Variants in ZNF423 observed in about 807,000 individuals in gnomAD.
The protein encoded by ZNF423 is zinc finger protein 423.
In ZNF423, 12 loss-of-function variants were observed where a neutral mutation model predicts 95.8. That is an observed-to-expected ratio of 0.13 (90% CI 0.08 to 0.20). The LOEUF (loss-of-function observed/expected upper bound fraction) is 0.20. Among genes scored for constraint, ZNF423 ranks in the 10% least tolerant of loss-of-function variants. The probability of loss-of-function intolerance (pLI) is 1.00; values close to 1 mark genes in which losing one functional copy is unlikely to be tolerated. For synonymous variants in ZNF423, 749 were observed against 711.9 expected (o/e 1.05, Z -0.83); for missense variants, 1,316 against 1,737.1 (o/e 0.76, Z 4.31).
intron 1 of ZNF423, among the ~76,000 whole-genome samples, chr16:49,851,571 C>T (rs991166017): frequency 3.3e-5 from 5 of 152,198 alleles, no homozygotes; most frequent in African/African-American, 1.2e-4. Context: ...CTTCCTGGTT[C>T]CCCCTCCTCC....
intron 2 of ZNF423, among the ~76,000 whole-genome samples, chr16:49,769,138 C>T (rs574450628): frequency 6.6e-6 from 1 of 152,214 alleles, no homozygotes; most frequent in South Asian, 2.1e-4. Flanking sequence ...GGTGGATCAC[C>T]TGAGGTCAGG....
intron 3 of ZNF423, among the ~76,000 whole-genome samples, chr16:49,702,023 C>T (rs1009062204): frequency 6.6e-6 from 1 of 152,168 alleles, no homozygotes; most frequent in Non-Finnish European, 1.5e-5. Context: ...TGAAAGGAAA[C>T]CCCCAGGGGT....
At chr16:49,829,605 T>C (rs1377164092) in intron 1 of ZNF423, among the ~76,000 whole-genome samples, 1 of 152,146 alleles carries the variant, frequency 6.6e-6, no homozygotes, top group African/African-American at 2.4e-5. Context: ...CTGAACTGTG[T>C]CCAGACTCCC....
chr16:49,779,954 G>A (rs1420237720), intron 2 of ZNF423, among the ~76,000 whole-genome samples: 16 of 152,288 alleles, frequency 1.1e-4, no homozygotes, highest in Admixed American at 4.6e-4. Flanking sequence ...GAGCAACTGC[G>A]CTGCAAAATC....
intron 5 of ZNF423, among the ~76,000 whole-genome samples, chr16:49,604,300 C>T (rs1386959684): frequency 1.3e-5 from 2 of 152,216 alleles, no homozygotes; most frequent in Non-Finnish European, 2.9e-5. Context: ...GGGCTGAAGA[C>T]TGGCCACAGC....
chr16:49,491,031 C>G lies in ZNF423; in HGVS notation c.*244G>C, dbSNP rs564189911. The G allele has an allele frequency of 3.8e-6, 2 of 521,996 alleles. No homozygotes were observed. The highest frequency in any genetic ancestry group is 2.8e-5 in the East Asian group (1 of 35,122). 32.3% of individuals were successfully genotyped at this position (521,996 alleles called of 1,614,324 possible). Reference sequence around the variant, plus strand: ...CTAACTCTAGAAATGTAGTCTGCGGCGGAAAGTCTAAAAGCACACTAGCTG... The same window carrying G: ...CTAACTCTAGAAATGTAGTCTGCGGGGGAAAGTCTAAAAGCACACTAGCTG... On this transcript the variant is annotated 3_prime_UTR_variant, in exon 8 of 8. Coordinates refer to ENST00000563137, the MANE Select transcript of ZNF423 (RefSeq NM_001379286.1).
At chr16:49,776,799 G>C (rs2034129383) in intron 2 of ZNF423, among the ~76,000 whole-genome samples, 1 of 152,212 alleles carries the variant, frequency 6.6e-6, no homozygotes, top group South Asian at 2.1e-4. Flanking sequence ...AGAATGTCTA[G>C]GGCCCTGAGG....
chr16:49,634,227 G>C lies in ZNF423; in HGVS notation c.3516+1433C>G, dbSNP rs771373926. On this transcript the variant is annotated intron_variant, in intron 4 of 7. Coordinates refer to ENST00000563137, the MANE Select transcript of ZNF423 (RefSeq NM_001379286.1). ...GGCTTTTTTTTTTTTTTTTTTTTAAGGAACAGGGTCCCACTCTGCCACCCA... is the reference window on the plus strand; with the variant it reads ...GGCTTTTTTTTTTTTTTTTTTTTAACGAACAGGGTCCCACTCTGCCACCCA... Among the ~76,000 whole-genome samples the C allele has an allele frequency of 1.3e-3, 182 of 137,690 alleles. 1 individual carries two copies. The highest frequency in any genetic ancestry group is 2.3e-3 in the Non-Finnish European group (149 of 63,946). 90.3% of individuals were successfully genotyped at this position (137,690 alleles called of 152,430 possible).
intron 3 of ZNF423, among the ~76,000 whole-genome samples, chr16:49,723,360 T>C (rs1013052632): frequency 2.0e-5 from 3 of 152,224 alleles, no homozygotes; most frequent in South Asian, 2.1e-4. Context: ...GGTACAGACC[T>C]TGGGGAAGGC....
intron 3 of ZNF423, among the ~76,000 whole-genome samples, chr16:49,703,195 G>A (rs1469708717): frequency 6.6e-6 from 1 of 152,148 alleles, no homozygotes; most frequent in Non-Finnish European, 1.5e-5. Context: ...TGTCATGGCC[G>A]CTGGAACACA....
chr16:49,748,204 G>T (rs1426403543), intron 2 of ZNF423, among the ~76,000 whole-genome samples: 1 of 152,238 alleles, frequency 6.6e-6, no homozygotes, highest in Non-Finnish European at 1.5e-5. Context: ...ATAACCCCGT[G>T]TTGAATGGAT....
chr16:49,677,079 G>A (rs7193244), intron 3 of ZNF423, among the ~76,000 whole-genome samples: 136,779 of 150,458 alleles, frequency 0.91, 62,282 homozygotes, highest in African/African-American at 0.95. Flanking sequence ...TTACCCTGGC[G>A]TGGTGGTGCG....
At chr16:49,538,105 C>T (rs1969117064) in intron 5 of ZNF423, among the ~76,000 whole-genome samples, 2 of 152,234 alleles carry the variant, frequency 1.3e-5, no homozygotes, top group Middle Eastern at 3.2e-3. Context: ...TTACTGACAG[C>T]TCCTGACAGC....
intron 7 of ZNF423, among the ~76,000 whole-genome samples, chr16:49,510,621 G>T (rs921093804): frequency 6.6e-6 from 1 of 152,206 alleles, no homozygotes; most frequent in Non-Finnish European, 1.5e-5. Context: ...AGGAGTGTCT[G>T]TGTCTGTGTC....
intron 5 of ZNF423, among the ~76,000 whole-genome samples, chr16:49,596,847 AC>A (rs1346582579): frequency 1.3e-5 from 2 of 151,836 alleles, no homozygotes; most frequent in Non-Finnish European, 1.5e-5. Flanking sequence ...CCACCTCTTC[AC>A]CCCCTAGGGA....
At position 49,829,434 on chromosome 16, in the gene ZNF423, A is replaced by G. The variant is rs148465302; in HGVS notation, c.40+26301T>C. ...GATCACACCACTGCATTCCAGCATG[A>G]GTGACAAAGTGACACCCTGTCTCTA... On this transcript the variant is annotated intron_variant, in intron 1 of 7. Transcript: ENST00000563137. Among the ~76,000 whole-genome samples the G allele has an allele frequency of 1.7e-3, 260 of 152,322 alleles. 1 individual carries two copies. Among genetic ancestry groups the G allele is most frequent in the African/African-American group, 5.9e-3 (244 of 41,580 alleles).
chr16:49,837,105 C>T (rs189520605), intron 1 of ZNF423, among the ~76,000 whole-genome samples: 185 of 152,250 alleles, frequency 1.2e-3, no homozygotes, highest in African/African-American at 3.7e-3. Flanking sequence ...GTGTGCAAAG[C>T]CAGGCTGAGG....
chr16:49,757,486 G>C (rs940527114), intron 2 of ZNF423, among the ~76,000 whole-genome samples: 1 of 152,214 alleles, frequency 6.6e-6, no homozygotes, highest in African/African-American at 2.4e-5. Flanking sequence ...GACATGAGGA[G>C]CACCTGCATG....
At chr16:49,656,114 C>T (rs2029875536) in intron 3 of ZNF423, among the ~76,000 whole-genome samples, 1 of 152,114 alleles carries the variant, frequency 6.6e-6, no homozygotes, top group Admixed American at 6.5e-5. Context: ...TGGTGCCCCA[C>T]GTTGGGGCAG....
Sources: gnomAD v4.1 joint callset for allele counts (sites outside exome capture counted in the v4.1 genomes callset) on GRCh38, gnomAD v4.1.1 for gene constraint, MANE v1.5 for transcripts, NCBI Gene and HGNC (gene_info 2026-07-23, HGNC 2026-07-21) for gene names.